PHF3: variants seen among roughly 807,000 people sequenced by gnomAD.
PHF3 encodes the protein PHD finger protein 3.
Under a neutral mutation model 178.4 loss-of-function variants are expected in PHF3, and 41 were observed. That is an observed-to-expected ratio of 0.23 (90% CI 0.18 to 0.30). PHF3 has a LOEUF of 0.30. Among genes scored for constraint, PHF3 ranks in the 10% least tolerant of loss-of-function variants. PHF3 has a pLI of 1.00. For missense variants in PHF3, 2,346 were observed against 2,398.1 expected, an observed-to-expected ratio of 0.98 and a Z score of 0.45; for synonymous variants, 842 against 800.5, an observed-to-expected ratio of 1.05 and a Z score of -0.88.
In PHF3 at chr6:63,720,651, ATTAG is replaced by A. The variant is rs1166245419; in HGVS notation, c.*6946_*6949del. 4.6e-6 allele frequency: 7 copies of A among 1,533,894 alleles called. No individual in the cohort carries two copies. In the East Asian group the frequency reaches 1.5e-4, roughly 32 times the overall value. On this transcript the variant is annotated 3_prime_UTR_variant, in exon 16 of 16. Coordinates refer to ENST00000262043, the MANE Select transcript of PHF3 (RefSeq NM_001370348.2). ...ATAAACATTGTATCCTTCTAATTTA[ATTAG>A]TTCAATGTTTTTTGGTTCCTGAAAA...
intron 1 of PHF3, among the ~76,000 whole-genome samples, chr6:63,638,068 A>AGTG (rs997216186): frequency 6.6e-6 from 1 of 152,182 alleles, no homozygotes; most frequent in African/African-American, 2.4e-5. Flanking sequence ...ACCTCTGAGA[A>AGTG]GTGGTCTATG....
chr6:63,713,737 T>C lies in PHF3; in HGVS notation c.*29T>C. On this transcript the variant is annotated 3_prime_UTR_variant, in exon 16 of 16. Coordinates refer to ENST00000262043, the MANE Select transcript of PHF3 (RefSeq NM_001370348.2). ...TTGCAGGCTGCTTCAGGATTACATT[T>C]AAATAACTGTTAAAATGTTGTATCT... 6.8e-7 allele frequency: 1 copy of C among 1,469,170 alleles called. No homozygotes were observed. The highest frequency in any genetic ancestry group is 9.1e-7 in the Non-Finnish European group (1 of 1,096,142). The allele number at this position is 1,469,170 out of a possible 1,614,324, so 91.0% of individuals were successfully genotyped here. A position where few individuals can be genotyped will look rare whatever the true frequency, so the allele number is the denominator to read the frequency against.
rs950846062 is a variant in PHF3, at chr6:63,680,095, T to G, written c.340T>G (p.Leu114Val). Residue 114 changes from leucine (L) to valine (V), a missense_variant, in exon 3 of 16, where the codon TTA (leucine) becomes GTA (valine). Transcript: ENST00000262043. ...EEELILPNRN[L>V]RDKVEENSVR... ...AGAACTGATTTTACCTAACAGGAAC[T>G]TAAGGGACAAGGTAGAAGAAAATTC... is the stretch of plus-strand genomic sequence containing the variant. The G allele has an allele frequency of 6.2e-6, 10 of 1,612,796 alleles. No homozygotes were observed. Among genetic ancestry groups the G allele is most frequent in the Non-Finnish European group, 7.6e-6 (9 of 1,179,336 alleles).
At chr6:63,665,909 A>C (rs1249556150) in intron 2 of PHF3, among the ~76,000 whole-genome samples, 1 of 151,772 alleles carries the variant, frequency 6.6e-6, no homozygotes, top group African/African-American at 2.4e-5. Context: ...AAGGGTGTCA[A>C]CTCCTCTCTA....
chr6:63,638,298 G>A (rs144115514), intron 1 of PHF3, among the ~76,000 whole-genome samples: 159 of 152,206 alleles, frequency 1.0e-3, no homozygotes, highest in African/African-American at 3.8e-3. Context: ...AAAATCAAGA[G>A]CTTAGATTTT....
In PHF3 at chr6:63,718,991, C is replaced by A. The variant is rs1328160303; in HGVS notation, c.*5283C>A. Among the ~76,000 whole-genome samples the A allele has an allele frequency of 6.6e-6, 1 of 151,926 alleles. No homozygotes were observed. The highest frequency in any genetic ancestry group is 1.5e-5 in the Non-Finnish European group (1 of 67,918). On this transcript the variant is annotated 3_prime_UTR_variant, in exon 16 of 16. Transcript: ENST00000262043. ...ACCAGTTTAGGTCACAGTTTTTCAG[C>A]AAAATTTGATGGAGTTGTTTTAAGT...
At position 63,691,929 on chromosome 6, in the gene PHF3, T is replaced by C; in HGVS notation, c.2382T>C (p.His794=). 1 of 1,613,508 alleles carries C rather than the reference T, an allele frequency of 6.2e-7. No homozygotes were observed. Among genetic ancestry groups the C allele is most frequent in the Non-Finnish European group, 8.5e-7 (1 of 1,179,766 alleles). The stretch of plus-strand genomic sequence containing the variant: ...AAAACCAAGCTACAGTTGAATTCCA[T>C]AGTGGAGATAAAACAATGGAGTGTG... ...TLENQATVEF[H]SGDKTMECEK... Residue 794 remains histidine, a synonymous_variant, in exon 5 of 16, where the codon CAT becomes CAC. Coordinates refer to ENST00000262043, the MANE Select transcript of PHF3 (RefSeq NM_001370348.2).
At chr6:63,644,222 A>T (rs909131391) in intron 1 of PHF3, among the ~76,000 whole-genome samples, 5 of 152,150 alleles carry the variant, frequency 3.3e-5, no homozygotes, top group Non-Finnish European at 7.3e-5. Context: ...CTGAGAAAAA[A>T]GATTACTAAT....
At chr6:63,662,592 A>G (rs923887303) in intron 2 of PHF3, among the ~76,000 whole-genome samples, 1 of 152,134 alleles carries the variant, frequency 6.6e-6, no homozygotes, top group Admixed American at 6.5e-5. Context: ...GATCTTCTCA[A>G]AAGATTTCTG....
At chr6:63,679,854 T>G in intron 2 of PHF3, 146 bp from the exon 3 acceptor site, 1 of 729,740 alleles carries the variant, frequency 1.4e-6, no homozygotes. Flanking sequence ...AGTGGCAATT[T>G]CACATGTTAG....
chr6:63,712,781 TCAAGCAGAA>T lies in PHF3; in HGVS notation c.5200_5208del (p.Glu1734_Ala1736del), dbSNP rs1182558386. Reference sequence around the variant, plus strand: ...CATCAGTAGAAAACATACAGACTTCTCAAGCAGAACAAGCAAAACCCTTACAGGAGGATA... The same window carrying T: ...CATCAGTAGAAAACATACAGACTTCTCAAGCAAAACCCTTACAGGAGGATA... On this transcript the variant is annotated inframe_deletion, in exon 16 of 16. Transcript: ENST00000262043. The T allele has an allele frequency of 1.2e-6, 2 of 1,613,962 alleles. No homozygotes were observed. Among genetic ancestry groups the T allele is most frequent in the Non-Finnish European group, 1.7e-6 (2 of 1,179,976 alleles).
chr6:63,649,320 T>G (rs1234525983), intron 2 of PHF3, among the ~76,000 whole-genome samples: 1 of 152,178 alleles, frequency 6.6e-6, no homozygotes, highest in Non-Finnish European at 1.5e-5. Flanking sequence ...TAACTTCAGC[T>G]GTTTTTAAAT....
intron 2 of PHF3, among the ~76,000 whole-genome samples, chr6:63,654,267 T>C (rs542954112): frequency 2.6e-5 from 4 of 152,180 alleles, no homozygotes; most frequent in African/African-American, 7.2e-5. Context: ...GGGAGACTTA[T>C]TATTACAGAG....
At chr6:63,677,382 G>C (rs1459684296) in intron 2 of PHF3, among the ~76,000 whole-genome samples, 1 of 152,124 alleles carries the variant, frequency 6.6e-6, no homozygotes, top group Non-Finnish European at 1.5e-5. Context: ...CTGTTGACAA[G>C]TGGCTAGGGA....
intron 6 of PHF3, among the ~76,000 whole-genome samples, chr6:63,695,961 A>G (rs1276841454): frequency 4.6e-5 from 7 of 152,220 alleles, no homozygotes; most frequent in Non-Finnish European, 8.8e-5. Flanking sequence ...TCTGGAGCCT[A>G]TTAGAAGACT....
chr6:63,657,754 TTATATA>T (rs1233919416), intron 2 of PHF3, among the ~76,000 whole-genome samples: 1 of 152,122 alleles, frequency 6.6e-6, no homozygotes, highest in Non-Finnish European at 1.5e-5. Context: ...AAATCTCTCT[TTATATA>T]TAGTCTGAAT....
At chr6:63,672,351 A>C (rs1432409817) in intron 2 of PHF3, among the ~76,000 whole-genome samples, 1 of 152,208 alleles carries the variant, frequency 6.6e-6, no homozygotes, top group Non-Finnish European at 1.5e-5. Context: ...ACTTTATGTC[A>C]CCATAGATTT....
At chr6:63,653,705 T>G (rs1344518208) in intron 2 of PHF3, among the ~76,000 whole-genome samples, 1 of 152,184 alleles carries the variant, frequency 6.6e-6, no homozygotes, top group African/African-American at 2.4e-5. Context: ...GGCATCCTTG[T>G]CTTGTTTCAG....
chr6:63,646,453 TA>T, intron 1 of PHF3, 73 bp from the exon 2 acceptor site: 2 of 1,046,922 alleles, frequency 1.9e-6, no homozygotes, highest in Non-Finnish European at 2.7e-6. Context: ...TCAAAACTAT[TA>T]AAATAATTTG....
Sources: allele counts gnomAD v4.1 joint callset (sites outside exome capture counted in the v4.1 genomes callset), GRCh38; gene constraint gnomAD v4.1.1; transcripts MANE v1.5; gene names NCBI Gene and HGNC (gene_info 2026-07-23, HGNC 2026-07-21).